The following CYP4A11 variants were observed in gnomAD, a reference collection of about 807,000 sequenced individuals.
The protein encoded by CYP4A11 is cytochrome P450 4A11.
CYP4A11 carries 52 observed loss-of-function variants against 57.7 expected under a neutral mutation model. The observed-to-expected ratio is 0.90, with a 90% CI of 0.72 to 1.14. The LOEUF (loss-of-function observed/expected upper bound fraction) is 1.14. CYP4A11 is among the 50% of genes most tolerant of loss of function. The pLI is 0.00. For synonymous variants in CYP4A11, 228 were observed against 247.1 expected, an observed-to-expected ratio of 0.92 and a Z score of 0.72; for missense variants, 641 against 642.1, an observed-to-expected ratio of 1.00 and a Z score of 0.02.
intron 11 of CYP4A11, chr1:46,931,997 C>G (rs1681056772): frequency 5.1e-5 from 50 of 985,272 alleles, no homozygotes; most frequent in Non-Finnish European, 5.8e-5. Flanking sequence ...GGGCTTTTCT[C>G]TCCAAGACAG....
At position 46,939,427 on chromosome 1, in the gene CYP4A11, T is replaced by G. The variant is rs564520873; in HGVS notation, c.196-1290A>C. ...GTGCAGTAGGGGATAATGGACATGA[T>G]ATGGAATGAAGGACAAGCATCTGGG... On this transcript the variant is annotated intron_variant, in intron 1 of 11. Transcript: ENST00000310638. Among the ~76,000 whole-genome samples the G allele has an allele frequency of 3.2e-4, 48 of 152,230 alleles. 1 individual carries two copies. Among genetic ancestry groups the G allele is most frequent in the African/African-American group, 3.9e-4 (16 of 41,538 alleles).
intron 1 of CYP4A11, among the ~76,000 whole-genome samples, chr1:46,940,354 A>G (rs1034725469): frequency 6.6e-6 from 1 of 152,224 alleles, no homozygotes; most frequent in African/African-American, 2.4e-5. Context: ...ATTCAAAGCC[A>G]TCCTGAGCTA....
intron 1 of CYP4A11, 119 bp downstream of exon 1, chr1:46,941,120 G>A: frequency 3.4e-6 from 5 of 1,456,016 alleles, no homozygotes; most frequent in East Asian, 2.4e-5. Flanking sequence ...TAGGCTGGGT[G>A]TTCCTTTGAG....
chr1:46,931,642 C>A, intron 11 of CYP4A11: 1 of 679,984 alleles, frequency 1.5e-6, no homozygotes, highest in Non-Finnish European at 1.8e-6. Context: ...GTGGCAGCGA[C>A]ATGATTTGCA....
chr1:46,938,277 A>C (rs1474666693), intron 1 of CYP4A11, 140 bp from the exon 2 acceptor site: 1 of 1,261,052 alleles, frequency 7.9e-7, no homozygotes, highest in East Asian at 2.4e-5. Flanking sequence ...GCTGTGATCC[A>C]GATTCTTGCT....
rs1439766340 is a variant in CYP4A11 at position 46,936,815 on chromosome 1, T to G, written c.383-24A>C. On this transcript the variant is annotated intron_variant, in intron 3 of 11. Coordinates refer to ENST00000310638, the MANE Select transcript of CYP4A11 (RefSeq NM_000778.4). ...CCCTAAGAGAGACATGAATGTGTGT[T>G]TGTGTGTGTGTGTGTGTGTGTGTGT... 22 of 1,450,680 alleles carry G rather than the reference T, an allele frequency of 1.5e-5. No homozygotes were observed. In the African/African-American group the frequency reaches 2.7e-4, roughly 18 times the overall value. 89.9% of individuals were successfully genotyped at this position (1,450,680 alleles called of 1,614,324 possible).
intron 11 of CYP4A11, chr1:46,932,405 G>T: frequency 1.8e-6 from 2 of 1,139,954 alleles, no homozygotes; most frequent in Non-Finnish European, 2.2e-6. Flanking sequence ...CCTGACAACT[G>T]AGAAAAGCAA....
At position 46,937,301 on chromosome 1, in the gene CYP4A11, C is replaced by T. The variant is rs781193852; in HGVS notation, c.382+1G>A. The T allele has an allele frequency of 2.5e-6, 4 of 1,613,898 alleles. No individual in the cohort carries two copies. The highest frequency in any genetic ancestry group is 1.6e-4 in the Middle Eastern group (1 of 6,082). On this transcript the variant is annotated splice_donor_variant, in intron 3 of 11. Transcript: ENST00000310638. LOFTEE classifies it high-confidence loss of function. Reference sequence around the variant, plus strand: ...GCTGCAGTCCTAGTTTGCACACATACCAATCCATGGAGCCAGGAATCTGTA... The same window carrying T: ...GCTGCAGTCCTAGTTTGCACACATATCAATCCATGGAGCCAGGAATCTGTA...
intron 4 of CYP4A11, 69 bp downstream of exon 4, chr1:46,936,595 T>C: frequency 4.7e-6 from 7 of 1,500,310 alleles, no homozygotes; most frequent in Non-Finnish European, 6.2e-6. Flanking sequence ...GGACACAGGG[T>C]TGAGAGTGGA....
rs1409930212 is a variant in CYP4A11, at chr1:46,930,176, T to C, written c.1499A>G (p.Asn500Ser). Residue 500 changes from asparagine (N) to serine (S), a missense_variant, in exon 12 of 12, where the codon AAT (asparagine) becomes AGT (serine). Physicochemically the swap from Asn to Ser is conservative, Grantham distance 46. Coordinates refer to ENST00000310638, the MANE Select transcript of CYP4A11 (RefSeq NM_000778.4). ...PIARLVLKSK[N>S]GIHLRLRRLP... ...CCTCCTGAGACGCAGGTGGATTCCA[T>C]TTTTGGATTTCAACACAAGTCGTGC... 3 of 1,614,002 alleles carry C rather than the reference T, an allele frequency of 1.9e-6. No homozygotes were observed. Among genetic ancestry groups the C allele is most frequent in the Non-Finnish European group, 2.5e-6 (3 of 1,179,946 alleles).
chr1:46,932,799 T>C lies in CYP4A11; in HGVS notation c.1326A>G (p.Gln442=), dbSNP rs765423229. 1.9e-6 allele frequency: 3 copies of C among 1,613,996 alleles called. No individual in the cohort carries two copies. Among genetic ancestry groups the C allele is most frequent in the South Asian group, 2.2e-5 (2 of 91,084 alleles). The stretch of plus-strand genomic sequence containing the variant: ...AGAAGGGCAGGAAAGCGTGGCTGTG[T>C]TGAGCAGAACCCGGTGCAAAACGGA... The part of the protein sequence containing the change: ...DPFRFAPGSA[Q]HSHAFLPFSG... Residue 442 remains glutamine (Q), a synonymous_variant, in exon 11 of 12, where the codon CAA becomes CAG. Coordinates refer to ENST00000310638, the MANE Select transcript of CYP4A11 (RefSeq NM_000778.4).
intron 1 of CYP4A11, among the ~76,000 whole-genome samples, chr1:46,940,230 T>G (rs1681668793): frequency 6.6e-6 from 1 of 152,180 alleles, no homozygotes; most frequent in Non-Finnish European, 1.5e-5. Context: ...GAAAAATAAT[T>G]GTCTTGAGCC....
chr1:46,938,065 GC>G lies in CYP4A11; in HGVS notation c.267del (p.Trp89CysfsTer17). 1 of 1,614,104 alleles carries G rather than the reference GC, an allele frequency of 6.2e-7. No individual in the cohort carries two copies. The highest frequency in any genetic ancestry group is 8.5e-7 in the Non-Finnish European group (1 of 1,180,034). On this transcript the variant is annotated frameshift_variant, in exon 2 of 12. Transcript: ENST00000310638. LOFTEE classifies it high-confidence loss of function. Reference protein sequence around the residue: ...VETFPSACPHWLWGGKVRVQL... With the variant: ...VETFPSACPHXLWGGKVRVQL... ...TGGACACGAACTTTGCCTCCCCATAGCCAATGAGGACAGGCACTTGGGAATG... is the reference window on the plus strand; with the variant it reads ...TGGACACGAACTTTGCCTCCCCATAGCAATGAGGACAGGCACTTGGGAATG...
intron 1 of CYP4A11, 136 bp from the exon 2 acceptor site, chr1:46,938,273 AT>A (rs1351087800): frequency 1.6e-6 from 2 of 1,289,752 alleles, no homozygotes; most frequent in Non-Finnish European, 1.1e-6. Flanking sequence ...CTGAGCTGTG[AT>A]CCAGATTCTT....
In CYP4A11 at chr1:46,935,189, G is replaced by A; in HGVS notation, c.636-35C>T. The stretch of plus-strand genomic sequence containing the variant: ...AGTATGAAGAAGGGACTGCAGTAGG[G>A]GTGGGCCCATTACCCGGAAGTAGAA... On this transcript the variant is annotated intron_variant, in intron 5 of 11. Transcript: ENST00000310638. The A allele has an allele frequency of 1.9e-6, 3 of 1,596,678 alleles. No individual in the cohort carries two copies. The South Asian group carries it at 3.4e-5, about 18-fold the overall frequency.
Position 46,930,156 on chromosome 1 carries a change from T to C in CYP4A11, c.1519A>G (p.Arg507Gly). ...KSKNGIHLRL[R>G]RLPNPCEDKD... The stretch of plus-strand genomic sequence containing the variant: ...TCTTCACAAGGGTTAGGGAGCCTCC[T>C]GAGACGCAGGTGGATTCCATTTTTG... Residue 507 changes from arginine to glycine, a missense_variant, in exon 12 of 12, where the codon AGG (arginine) becomes GGG (glycine). Coordinates refer to ENST00000310638, the MANE Select transcript of CYP4A11 (RefSeq NM_000778.4). The C allele has an allele frequency of 6.2e-7, 1 of 1,613,968 alleles. No homozygotes were observed. The highest frequency in any genetic ancestry group is 8.5e-7 in the Non-Finnish European group (1 of 1,179,928).
Position 46,939,415 on chromosome 1 carries a change from T to C in CYP4A11, c.196-1278A>G, listed in dbSNP as rs527745609. On this transcript the variant is annotated intron_variant, in intron 1 of 11. Coordinates refer to ENST00000310638, the MANE Select transcript of CYP4A11 (RefSeq NM_000778.4). ...AGATTAGAGGCTGTGCAGTAGGGGATAATGGACATGATATGGAATGAAGGA... is the reference window on the plus strand; with the variant it reads ...AGATTAGAGGCTGTGCAGTAGGGGACAATGGACATGATATGGAATGAAGGA... 8.5e-4 allele frequency among the ~76,000 whole-genome samples: 130 copies of C among 152,232 alleles called. 1 individual carries two copies. Among genetic ancestry groups the C allele is most frequent in the African/African-American group, 2.8e-3 (118 of 41,522 alleles).
intron 9 of CYP4A11, 116 bp from the exon 10 acceptor site, chr1:46,933,163 T>C (rs1235979217): frequency 6.9e-7 from 1 of 1,458,952 alleles, no homozygotes; most frequent in Non-Finnish European, 9.4e-7. Context: ...AAATTTTCAC[T>C]TTGACTGGGA....
Position 46,932,844 on chromosome 1 carries a change from A to G in CYP4A11, c.1288-7T>C. 5.0e-6 allele frequency: 8 copies of G among 1,614,218 alleles called. No homozygotes were observed. Among genetic ancestry groups the G allele is most frequent in the Non-Finnish European group, 6.8e-6 (8 of 1,180,026 alleles). ...AACGGAAAGGGTCAAACACCTGCAG[A>G]GAGAGCACCAGAGCCAGGATAGTTA... is the stretch of plus-strand genomic sequence containing the variant. On this transcript the variant is annotated splice_region_variant and splice_polypyrimidine_tract_variant and intron_variant, in intron 10 of 11. Transcript: ENST00000310638.
Sources: gnomAD v4.1 joint callset for allele counts (sites outside exome capture counted in the v4.1 genomes callset) on GRCh38, gnomAD v4.1.1 for gene constraint, MANE v1.5 for transcripts, NCBI Gene and HGNC (gene_info 2026-07-23, HGNC 2026-07-21) for gene names.